Variants in ARHGAP32 observed in about 807,000 individuals in gnomAD.
The protein encoded by ARHGAP32 is Rho GTPase activating protein 32.
Under a neutral mutation model 186.5 loss-of-function variants are expected in ARHGAP32, and 51 were observed. The ratio of observed to expected loss-of-function variants is 0.27; its 90% CI spans 0.22 to 0.35. The LOEUF is 0.35. Ranked by LOEUF, ARHGAP32 falls within the 10% of genes least tolerant of loss-of-function variation. ARHGAP32 has a pLI of 1.00. For missense variants in ARHGAP32, 2,186 were observed against 2,623.5 expected (o/e 0.83, Z 3.64); for synonymous variants, 950 against 964.3 (o/e 0.99, Z 0.27).
chr11:129,201,882 CTGAAG>C (rs1161948935), intron 1 of ARHGAP32, among the ~76,000 whole-genome samples: 1 of 152,096 alleles, frequency 6.6e-6, no homozygotes, highest in East Asian at 1.9e-4. Context: ...ACTCAGGAAG[CTGAAG>C]TGGGAGGATC....
chr11:128,980,956 A>G (rs1174504784), intron 17 of ARHGAP32, among the ~76,000 whole-genome samples: 1 of 152,218 alleles, frequency 6.6e-6, no homozygotes, highest in Non-Finnish European at 1.5e-5. Flanking sequence ...AAACCCTTTA[A>G]TAACTGTTTT....
chr11:129,171,724 G>C (rs1040923710), intron 1 of ARHGAP32, among the ~76,000 whole-genome samples: 5 of 152,196 alleles, frequency 3.3e-5, no homozygotes, highest in Non-Finnish European at 7.3e-5. Flanking sequence ...ATGGTAGCTT[G>C]ATGGGAATAG....
chr11:129,215,608 C>T, intron 1 of ARHGAP32, among the ~76,000 whole-genome samples: 1 of 152,214 alleles, frequency 6.6e-6, no homozygotes, highest in South Asian at 2.1e-4. Context: ...CTCATGACCC[C>T]TCCCTCACAT....
chr11:128,987,563 CAG>C (rs1267470250), intron 13 of ARHGAP32, among the ~76,000 whole-genome samples: 2 of 152,124 alleles, frequency 1.3e-5, no homozygotes, highest in Admixed American at 1.3e-4. Flanking sequence ...ATTGCAGGCA[CAG>C]AGTTTGTCAC....
chr11:129,203,876 C>T (rs767017059), intron 1 of ARHGAP32, among the ~76,000 whole-genome samples: 6 of 149,248 alleles, frequency 4.0e-5, no homozygotes, highest in East Asian at 1.9e-4. Flanking sequence ...CCAGCCCAGT[C>T]GACAGAGTGA....
At chr11:129,181,552 T>C (rs1344776696) in intron 1 of ARHGAP32, among the ~76,000 whole-genome samples, 2 of 152,172 alleles carry the variant, frequency 1.3e-5, no homozygotes, top group Non-Finnish European at 2.9e-5. Flanking sequence ...TTGTAAAGCC[T>C]CTTAAAATAC....
chr11:129,103,764 G>C (rs1941971539), intron 5 of ARHGAP32, among the ~76,000 whole-genome samples: 1 of 152,018 alleles, frequency 6.6e-6, no homozygotes, highest in African/African-American at 2.4e-5. Context: ...AAGAAATGTT[G>C]TCAATACTAT....
chr11:129,135,564 G>A (rs143725161), intron 2 of ARHGAP32, among the ~76,000 whole-genome samples: 4 of 152,040 alleles, frequency 2.6e-5, no homozygotes, highest in East Asian at 3.9e-4. Flanking sequence ...TCAGGAGATC[G>A]AGACCATCCT....
upstream of ARHGAP32, among the ~76,000 whole-genome samples, chr11:129,193,720 T>C (rs1181733672): frequency 1.5e-5 from 1 of 65,528 alleles, no homozygotes; most frequent in Non-Finnish European, 2.9e-5. Context: ...TTATATATTA[T>C]ATATTATATA....
intron 1 of ARHGAP32, among the ~76,000 whole-genome samples, chr11:129,178,633 A>T (rs1257549781): frequency 1.4e-4 from 22 of 152,106 alleles, no homozygotes; most frequent in Non-Finnish European, 2.4e-4. Flanking sequence ...CTCAGAAATA[A>T]TGCCGCATAT....
chr11:128,993,654 G>C (rs1470124046), intron 12 of ARHGAP32, among the ~76,000 whole-genome samples: 1 of 150,910 alleles, frequency 6.6e-6, no homozygotes, highest in African/African-American at 2.4e-5. Context: ...ACACACATAT[G>C]ATATAACTGT....
intron 5 of ARHGAP32, among the ~76,000 whole-genome samples, chr11:129,118,324 G>A (rs569902293): frequency 2.4e-4 from 36 of 150,690 alleles, no homozygotes; most frequent in African/African-American, 8.8e-4. Context: ...ACTCTTTTCT[G>A]GAAAAAAAAA....
At position 128,969,125 on chromosome 11, in the gene ARHGAP32, T is replaced by C. The variant is rs551645839; in HGVS notation, c.6088A>G (p.Ser2030Gly). 2.5e-6 allele frequency: 4 copies of C among 1,605,060 alleles called. No homozygotes were observed. The highest frequency in any genetic ancestry group is 1.7e-5 in the Admixed American group (1 of 59,708). ...TCATACTGGGACACAACAGTCACAC[T>C]GCTCTGGCGCTTGCCGTGTGGTTGG... ...QYQPHGKRQSSVTVVSQYDNL... is the reference protein window; with the variant it reads ...QYQPHGKRQSGVTVVSQYDNL... The change falls in exon 23 of 23, where the codon AGT becomes GGT. Residue 2030 changes from serine to glycine, a missense_variant. Physicochemically the swap from Ser to Gly is moderately conservative, Grantham distance 56. Around this residue, in one of 5 missense-constraint regions of ARHGAP32, gnomAD observed 1,502 missense variants for 1,570.0 expected, o/e 0.96. Coordinates refer to ENST00000682385, the MANE Select transcript of ARHGAP32 (RefSeq NM_001378024.1). This position sits in a 1 kb window ranked among gnomAD's most constrained non-coding sequence, Gnocchi z 4.8.
At chr11:129,010,389 T>C (rs1403282536) in intron 11 of ARHGAP32, among the ~76,000 whole-genome samples, 2 of 152,182 alleles carry the variant, frequency 1.3e-5, no homozygotes, top group South Asian at 2.1e-4. Context: ...CTGAATGGTA[T>C]TGCCCAGGTT....
At chr11:128,991,095 G>A (rs1439948640) in intron 12 of ARHGAP32, among the ~76,000 whole-genome samples, 1 of 152,118 alleles carries the variant, frequency 6.6e-6, no homozygotes, top group Admixed American at 6.5e-5. Context: ...ATTTTCATTG[G>A]ATGTGTATAT....
intron 1 of ARHGAP32, among the ~76,000 whole-genome samples, chr11:129,178,471 G>A (rs1943971332): frequency 6.6e-6 from 1 of 152,030 alleles, no homozygotes; most frequent in East Asian, 1.9e-4. Context: ...CCAAAAAAGA[G>A]CCCACAACGC....
chr11:128,994,551 T>A (rs1310277042), intron 12 of ARHGAP32, among the ~76,000 whole-genome samples: 1 of 151,788 alleles, frequency 6.6e-6, no homozygotes, highest in African/African-American at 2.4e-5. Flanking sequence ...ACCCCTAGGC[T>A]CAGGTGCTCT....
chr11:129,031,746 GTT>G lies in ARHGAP32; in HGVS notation c.1045+9180_1045+9181del, dbSNP rs1301426962. On this transcript the variant is annotated intron_variant, in intron 11 of 22. Coordinates refer to ENST00000682385, the MANE Select transcript of ARHGAP32 (RefSeq NM_001378024.1). ...ACCCAAAGTGAGAACATGCATTCCT[GTT>G]TCCCACCCCTACAATTGTTGCCTTT... 2.0e-5 allele frequency among the ~76,000 whole-genome samples: 3 copies of G among 152,286 alleles called. No individual in the cohort carries two copies. The East Asian group carries it at 5.8e-4, about 29-fold the overall frequency.
At chr11:129,252,271 A>C (rs565166131) in intron 1 of ARHGAP32, among the ~76,000 whole-genome samples, 1 of 152,200 alleles carries the variant, frequency 6.6e-6, no homozygotes, top group Admixed American at 6.5e-5. Flanking sequence ...AACACAACAA[A>C]CTCCTACTCT....
Sources: gnomAD v4.1 joint callset for allele counts (sites outside exome capture counted in the v4.1 genomes callset) on GRCh38, gnomAD v4.1.1 for gene constraint, gnomAD v4.1.1 regional missense constraint, Gnocchi (gnomAD v3.1) non-coding constraint, MANE v1.5 for transcripts, NCBI Gene and HGNC (gene_info 2026-07-23, HGNC 2026-07-21) for gene names.